The following NR6A1 variants were observed in gnomAD, a reference collection of about 807,000 sequenced individuals.
NR6A1 encodes nuclear receptor subfamily 6 group A member 1, also known as retinoic acid receptor-related testis-associated receptor.
NR6A1 carries 7 observed loss-of-function variants against 59.1 expected under a neutral mutation model. That is an observed-to-expected ratio of 0.12 (90% CI 0.07 to 0.22). The LOEUF is 0.22. NR6A1 is among the 10% of genes least tolerant of loss of function. NR6A1 has a pLI of 1.00. For missense variants in NR6A1, 468 were observed against 611.6 expected, an observed-to-expected ratio of 0.77 and a Z score of 2.48; for synonymous variants, 243 against 236.1, an observed-to-expected ratio of 1.03 and a Z score of -0.27.
At chr9:124,645,693 T>C (rs1358307165) in intron 2 of NR6A1, among the ~76,000 whole-genome samples, 1 of 152,110 alleles carries the variant, frequency 6.6e-6, no homozygotes, top group Non-Finnish European at 1.5e-5. Flanking sequence ...CCACCCTCTA[T>C]CAAAAATGGA....
intron 8 of NR6A1, among the ~76,000 whole-genome samples, chr9:124,525,137 C>T (rs575736759): frequency 6.6e-6 from 1 of 152,252 alleles, no homozygotes; most frequent in Admixed American, 6.5e-5. Flanking sequence ...TACCAAACTC[C>T]CAAAACAACC....
chr9:124,750,314 G>A (rs924666281), intron 1 of NR6A1, among the ~76,000 whole-genome samples: 1 of 152,088 alleles, frequency 6.6e-6, no homozygotes, highest in Non-Finnish European at 1.5e-5. Context: ...ACATGCCCAG[G>A]GCCAGCATTT....
intron 2 of NR6A1, among the ~76,000 whole-genome samples, chr9:124,581,383 AAG>A (rs1234361286): frequency 1.3e-5 from 2 of 152,136 alleles, no homozygotes; most frequent in African/African-American, 4.8e-5. Context: ...TCACGAGGTC[AAG>A]AGATCGAGAC....
At chr9:124,751,826 A>G (rs1840507181) in intron 1 of NR6A1, among the ~76,000 whole-genome samples, 2 of 152,246 alleles carry the variant, frequency 1.3e-5, no homozygotes, top group South Asian at 4.1e-4. Flanking sequence ...TCAAAGTACA[A>G]AGTGTTTCCA....
chr9:124,709,171 T>C (rs945369178), intron 2 of NR6A1, among the ~76,000 whole-genome samples: 3 of 152,222 alleles, frequency 2.0e-5, no homozygotes, highest in Non-Finnish European at 4.4e-5. Context: ...CTGGCTCAAA[T>C]ACCAGATTCC....
At chr9:124,592,489 A>C (rs1195245707) in intron 2 of NR6A1, among the ~76,000 whole-genome samples, 2 of 152,306 alleles carry the variant, frequency 1.3e-5, no homozygotes, top group South Asian at 2.1e-4. Context: ...GCGGTGATTA[A>C]ATCAGATTTT....
At chr9:124,718,637 G>A (rs894318319) in intron 2 of NR6A1, among the ~76,000 whole-genome samples, 10 of 151,968 alleles carry the variant, frequency 6.6e-5, no homozygotes, top group Non-Finnish European at 1.3e-4. Flanking sequence ...AGAAAACTCA[G>A]AGATAATGAA....
At chr9:124,568,036 T>C (rs1044412279) in intron 2 of NR6A1, among the ~76,000 whole-genome samples, 3 of 149,536 alleles carry the variant, frequency 2.0e-5, no homozygotes, top group African/African-American at 7.4e-5. Flanking sequence ...TAGCCAGGCA[T>C]GGTGGTGTGT....
intron 2 of NR6A1, among the ~76,000 whole-genome samples, chr9:124,573,099 T>C (rs948229506): frequency 6.6e-6 from 1 of 152,060 alleles, no homozygotes; most frequent in African/African-American, 2.4e-5. Flanking sequence ...ACAGCGACAA[T>C]GGGGTGGGAA....
At chr9:124,591,291 T>G (rs1165311241) in intron 2 of NR6A1, among the ~76,000 whole-genome samples, 1 of 152,234 alleles carries the variant, frequency 6.6e-6, no homozygotes, top group Non-Finnish European at 1.5e-5. Context: ...GTTTTCTTAT[T>G]TAATTCCCAT....
At chr9:124,622,266 C>T (rs868236920) in intron 2 of NR6A1, among the ~76,000 whole-genome samples, 1 of 152,232 alleles carries the variant, frequency 6.6e-6, no homozygotes, top group African/African-American at 2.4e-5. Context: ...CCAGTTTACA[C>T]TGACTAGGGT....
At chr9:124,648,706 C>T (rs1430348484) in intron 2 of NR6A1, among the ~76,000 whole-genome samples, 1 of 147,068 alleles carries the variant, frequency 6.8e-6, no homozygotes, top group Non-Finnish European at 1.5e-5. Context: ...AAAGATACTG[C>T]TAAAAAAAAA....
At chr9:124,770,494 C>T (rs1841105465) in intron 1 of NR6A1, among the ~76,000 whole-genome samples, 2 of 151,090 alleles carry the variant, frequency 1.3e-5, no homozygotes, top group Admixed American at 6.6e-5. Context: ...GTCGGGTCAA[C>T]AGGGCAAGAA....
chr9:124,690,243 A>G (rs754165005), intron 2 of NR6A1, among the ~76,000 whole-genome samples: 3 of 152,208 alleles, frequency 2.0e-5, no homozygotes, highest in Non-Finnish European at 2.9e-5. Context: ...GCTGAAGCAA[A>G]CATGCTACTA....
intron 1 of NR6A1, among the ~76,000 whole-genome samples, chr9:124,752,612 C>A (rs1437948941): frequency 6.6e-6 from 1 of 152,094 alleles, no homozygotes; most frequent in African/African-American, 2.4e-5. Flanking sequence ...ACTTTTCCAA[C>A]ATTATCTAAT....
chr9:124,719,691 C>T (rs570584196), intron 2 of NR6A1, among the ~76,000 whole-genome samples: 3 of 152,158 alleles, frequency 2.0e-5, no homozygotes, highest in East Asian at 1.9e-4. Context: ...AGCCGAGGTG[C>T]GCGGATTGCT....
intron 2 of NR6A1, among the ~76,000 whole-genome samples, chr9:124,591,285 T>G (rs1162581034): frequency 6.6e-6 from 1 of 152,242 alleles, no homozygotes; most frequent in Admixed American, 6.5e-5. Flanking sequence ...TTGACAGTTT[T>G]CTTATTTAAT....
At chr9:124,567,831 CTTTTTTTTTTT>C (rs534591761) in intron 2 of NR6A1, among the ~76,000 whole-genome samples, 18 of 101,318 alleles carry the variant, frequency 1.8e-4, no homozygotes, top group East Asian at 1.4e-3. Flanking sequence ...TAAAAATTTG[CTTTTTTTTTTT>C]TTTTTTTTTT....
intron 3 of NR6A1, among the ~76,000 whole-genome samples, chr9:124,547,870 T>G (rs1833646342): frequency 6.6e-6 from 1 of 152,188 alleles, no homozygotes; most frequent in African/African-American, 2.4e-5. Context: ...TGTGATTTCC[T>G]GAAGTGGCTT....
Sources: gnomAD v4.1 joint callset for allele counts (sites outside exome capture counted in the v4.1 genomes callset) on GRCh38, gnomAD v4.1.1 for gene constraint, MANE v1.5 for transcripts, NCBI Gene and HGNC (gene_info 2026-07-23, HGNC 2026-07-21) for gene names.